MPPED2: variants seen among roughly 807,000 people sequenced by gnomAD.
MPPED2 encodes metallophosphoesterase domain containing 2.
A neutral mutation model predicts 33.0 loss-of-function variants in MPPED2; 5 were observed. The observed-to-expected ratio is 0.15, with a 90% CI of 0.08 to 0.32. The LOEUF is 0.32. Among genes scored for constraint, MPPED2 ranks in the 10% least tolerant of loss-of-function variants. MPPED2 has a pLI of 1.00. For synonymous variants in MPPED2, 136 were observed against 141.9 expected, an observed-to-expected ratio of 0.96 and a Z score of 0.29; for missense variants, 275 against 372.1, an observed-to-expected ratio of 0.74 and a Z score of 2.15.
At chr11:30,428,840 T>C (rs1360383678) in intron 4 of MPPED2, 1 of 152,208 alleles carries the variant, frequency 6.6e-6, no homozygotes, top group Non-Finnish European at 1.5e-5. Flanking sequence ...TGGTGACTCT[T>C]ATCATCATCA....
upstream of MPPED2, chr11:30,586,913 G>A (rs1356976205): frequency 7.1e-6 from 1 of 140,228 alleles, no homozygotes; most frequent in Non-Finnish European, 1.5e-5. The surrounding 1 kb of genome is among the most constrained non-coding windows in gnomAD (Gnocchi z 4.8). Flanking sequence ...TTTTCCCCAA[G>A]CCTTTCAACA....
chr11:30,558,206 AAAAG>A (rs1475596310), intron 2 of MPPED2, among the ~76,000 whole-genome samples: 1 of 152,098 alleles, frequency 6.6e-6, no homozygotes, highest in Non-Finnish European at 1.5e-5. Context: ...AAATTTATTA[AAAAG>A]AAAGAAAAGT....
chr11:30,433,049 T>C (rs1949153418), intron 4 of MPPED2, among the ~76,000 whole-genome samples: 1 of 152,228 alleles, frequency 6.6e-6, no homozygotes, highest in African/African-American at 2.4e-5. Flanking sequence ...GTGATGGCTC[T>C]AGAAGCTGGG....
At chr11:30,523,619 A>G (rs1199965607) in intron 3 of MPPED2, among the ~76,000 whole-genome samples, 1 of 133,392 alleles carries the variant, frequency 7.5e-6, no homozygotes, top group Admixed American at 7.5e-5. Context: ...GAAGCAACAC[A>G]TCTTTTTTTT....
chr11:30,388,801 A>G, exon 7 of MPPED2: 1 of 1,390,958 alleles, frequency 7.2e-7, no homozygotes, highest in Non-Finnish European at 9.4e-7. Flanking sequence ...GTGCCTCTCT[A>G]GTTCTTGATT....
intron 4 of MPPED2, among the ~76,000 whole-genome samples, chr11:30,463,513 C>A (rs1482140366): frequency 6.6e-6 from 1 of 152,184 alleles, no homozygotes; most frequent in Non-Finnish European, 1.5e-5. Context: ...GGAGCCAAAT[C>A]AGCCAGCAGG....
At chr11:30,413,712 C>T (rs1195632779) in intron 6 of MPPED2, among the ~76,000 whole-genome samples, 4 of 152,164 alleles carry the variant, frequency 2.6e-5, no homozygotes, top group Admixed American at 6.5e-5. Context: ...TGCAGGTTCC[C>T]GCCACTTCTG....
At chr11:30,483,856 C>T (rs1388464787) in intron 4 of MPPED2, among the ~76,000 whole-genome samples, 1 of 151,912 alleles carries the variant, frequency 6.6e-6, no homozygotes, top group Non-Finnish European at 1.5e-5. Flanking sequence ...TTGATATATC[C>T]CAGAAATTCA....
At chr11:30,423,907 A>G (rs1480500166) in intron 4 of MPPED2, among the ~76,000 whole-genome samples, 3 of 152,128 alleles carry the variant, frequency 2.0e-5, no homozygotes, top group Non-Finnish European at 2.9e-5. Context: ...CAGACTTTTG[A>G]AAGTCCCCAA....
chr11:30,492,387 C>T (rs1359119466), intron 4 of MPPED2, among the ~76,000 whole-genome samples: 1 of 152,176 alleles, frequency 6.6e-6, no homozygotes, highest in African/African-American at 2.4e-5. Context: ...GATTTCTGAA[C>T]ATCTGCTTGC....
intron 3 of MPPED2, among the ~76,000 whole-genome samples, chr11:30,521,393 T>G (rs979524035): frequency 1.3e-5 from 2 of 152,292 alleles, no homozygotes; most frequent in African/African-American, 4.8e-5. Context: ...GCCATTCAAT[T>G]CACAACTCTG....
intron 2 of MPPED2, among the ~76,000 whole-genome samples, chr11:30,550,015 T>C (rs1955622804): frequency 6.6e-6 from 1 of 152,156 alleles, no homozygotes; most frequent in Admixed American, 6.5e-5. Context: ...AATAAGATAG[T>C]AGCACCTATC....
chr11:30,439,459 T>A (rs1015502561), intron 4 of MPPED2, among the ~76,000 whole-genome samples: 1 of 152,206 alleles, frequency 6.6e-6, no homozygotes, highest in East Asian at 1.9e-4. Context: ...TACAGCATCC[T>A]GGCACCTTAA....
chr11:30,410,716 A>G lies in MPPED2; in HGVS notation c.*752T>C. The G allele has an allele frequency of 1.0e-6, 1 of 983,896 alleles. No homozygotes were observed. 60.9% of individuals were successfully genotyped at this position (983,896 alleles called of 1,614,324 possible). ...CATAATACACAAAAAATACTTATATATATAAACCCATATTGAAAAGGAGTC... is the reference window on the plus strand; with the variant it reads ...CATAATACACAAAAAATACTTATATGTATAAACCCATATTGAAAAGGAGTC... On this transcript the variant is annotated 3_prime_UTR_variant, in exon 7 of 7. Coordinates refer to ENST00000358117, the MANE Select transcript of MPPED2 (RefSeq NM_001584.3).
chr11:30,520,096 TAA>T (rs1261904864), intron 3 of MPPED2, among the ~76,000 whole-genome samples: 1 of 152,140 alleles, frequency 6.6e-6, no homozygotes, highest in East Asian at 1.9e-4. Context: ...GTGAGATTCA[TAA>T]AAACGGCAGC....
chr11:30,417,061 A>C (rs141273999), intron 5 of MPPED2, among the ~76,000 whole-genome samples: 69 of 152,294 alleles, frequency 4.5e-4, no homozygotes, highest in African/African-American at 1.5e-3. Context: ...TATCAGCTCA[A>C]ATGTTAAACT....
chr11:30,548,324 C>T (rs1955535629), intron 2 of MPPED2, among the ~76,000 whole-genome samples: 1 of 152,124 alleles, frequency 6.6e-6, no homozygotes, highest in Non-Finnish European at 1.5e-5. Flanking sequence ...AGGGATTCTC[C>T]CACCTCAGTC....
At position 30,414,274 on chromosome 11, in the gene MPPED2, C is replaced by T; in HGVS notation, c.720G>A (p.Gln240=). 1 of 1,614,088 alleles carries T rather than the reference C, an allele frequency of 6.2e-7. No individual in the cohort carries two copies. The highest frequency in any genetic ancestry group is 8.5e-7 in the Non-Finnish European group (1 of 1,179,942). The change falls in exon 6 of 7, where the codon CAG becomes CAA. Residue 240 remains glutamine, a synonymous_variant. Coordinates refer to ENST00000358117, the MANE Select transcript of MPPED2 (RefSeq NM_001584.3). ...VGCVELLNTV[Q]RRVRPKLHVF... is the part of the protein sequence containing the mutation. The stretch of plus-strand genomic sequence containing the variant: ...CATGGAGCTTGGGCCGGACTCGCCT[C>T]TGAACCGTGTTTAACAGCTCCACAC...
chr11:30,536,167 G>A lies in MPPED2; in HGVS notation c.137C>T (p.Pro46Leu). 1.9e-6 allele frequency: 3 copies of A among 1,600,304 alleles called. No homozygotes were observed. The East Asian group carries it at 6.7e-5, about 36-fold the overall frequency. Residue 46 changes from proline to leucine, a missense_variant, in exon 3 of 7, where the codon CCC (proline) becomes CTC (leucine). Pro to Leu is a moderately conservative substitution (Grantham distance 98). Transcript: ENST00000358117. Reference protein sequence around the residue: ...FQPPHVHMVDPIPYDTPKPAG... With the variant: ...FQPPHVHMVDLIPYDTPKPAG... ...TGGTTTTGGAGTGTCATATGGGATGGGGTCGACCCTAAAGTAGACATAACA... is the reference window on the plus strand; with the variant it reads ...TGGTTTTGGAGTGTCATATGGGATGAGGTCGACCCTAAAGTAGACATAACA...
Sources: gnomAD v4.1 joint callset for allele counts (sites outside exome capture counted in the v4.1 genomes callset) on GRCh38, gnomAD v4.1.1 for gene constraint, Gnocchi (gnomAD v3.1) non-coding constraint, MANE v1.5 for transcripts, NCBI Gene and HGNC (gene_info 2026-07-23, HGNC 2026-07-21) for gene names.